The following GATAD2B variants were observed in gnomAD, a reference collection of about 807,000 sequenced individuals.
GATAD2B encodes the protein GATA zinc finger domain containing 2B.
Under a neutral mutation model 64.3 loss-of-function variants are expected in GATAD2B, and 8 were observed. The observed-to-expected ratio is 0.12, with a 90% CI of 0.07 to 0.22. The LOEUF (loss-of-function observed/expected upper bound fraction) is 0.22. Among genes scored for constraint, GATAD2B ranks in the 10% least tolerant of loss-of-function variants. GATAD2B has a pLI of 1.00. For missense variants in GATAD2B, 453 were observed against 752.0 expected, an observed-to-expected ratio of 0.60 and a Z score of 4.65; for synonymous variants, 281 against 271.3, an observed-to-expected ratio of 1.04 and a Z score of -0.35.
intron 2 of GATAD2B, among the ~76,000 whole-genome samples, chr1:153,823,932 G>A (rs200500334): frequency 6.6e-6 from 1 of 151,940 alleles, no homozygotes; most frequent in African/African-American, 2.4e-5. Flanking sequence ...GTTTCACCAT[G>A]TTGGCCAGGC....
chr1:153,852,424 G>C, intron 1 of GATAD2B: 1 of 771,538 alleles, frequency 1.3e-6, no homozygotes, highest in South Asian at 1.4e-5. Flanking sequence ...ATGTTGGACA[G>C]AAGGCCGTGG....
intron 1 of GATAD2B, among the ~76,000 whole-genome samples, chr1:153,871,160 G>A (rs1454100557): frequency 2.6e-5 from 4 of 151,936 alleles, no homozygotes; most frequent in South Asian, 2.1e-4. Flanking sequence ...TCTGCCTCCC[G>A]GGTTCAAGTG....
intron 1 of GATAD2B, among the ~76,000 whole-genome samples, chr1:153,908,776 T>G: frequency 2.0e-5 from 1 of 49,288 alleles, no homozygotes; most frequent in African/African-American, 7.3e-5. Flanking sequence ...CCTAGAAACA[T>G]ACTTGGAAAA....
chr1:153,876,261 G>A (rs1352046547), intron 1 of GATAD2B, among the ~76,000 whole-genome samples: 3,697 of 47,872 alleles, frequency 0.077, no homozygotes, highest in East Asian at 0.092. Context: ...AAAAAAAAAA[G>A]ATTTCACAGT....
In GATAD2B at chr1:153,805,407, AAGGGCTCTGTGGTTG is replaced by A. The variant is rs1674083007; in HGVS notation, c.*4755_*4769del. The A allele has an allele frequency of 6.6e-6, 1 of 152,162 alleles. No individual in the cohort carries two copies. Among genetic ancestry groups the A allele is most frequent in the East Asian group, 1.9e-4 (1 of 5,194 alleles). 9.4% of individuals were successfully genotyped at this position (152,162 alleles called of 1,614,324 possible). A position where few individuals can be genotyped will look rare whatever the true frequency, so the allele number is the denominator to read the frequency against. On this transcript the variant is annotated 3_prime_UTR_variant, in exon 11 of 11. Transcript: ENST00000368655. ...GGGCATTCAATTGTCAACCACCCTTAAGGGCTCTGTGGTTGGCTGTGAGATGGGGCTTGAGGCCTA... is the reference window on the plus strand; with the variant it reads ...GGGCATTCAATTGTCAACCACCCTTAGCTGTGAGATGGGGCTTGAGGCCTA...
Position 153,810,261 on chromosome 1 carries a change from G to A in GATAD2B, c.1698C>T (p.Pro566=). The change falls in exon 11 of 11, where the codon CCC becomes CCT. Residue 566 remains proline, a synonymous_variant. Transcript: ENST00000368655. ...ATTCACGCTGTCGGTCTGCCAAACT[G>A]GGGCCTTTGTGTCCTCCGATGCCAG... ...LNTGIGGHKG[P]SLADRQREYL... 6.2e-7 allele frequency: 1 copy of A among 1,613,156 alleles called. No homozygotes were observed. The highest frequency in any genetic ancestry group is 8.5e-7 in the Non-Finnish European group (1 of 1,179,640).
intron 1 of GATAD2B, among the ~76,000 whole-genome samples, chr1:153,879,078 T>C (rs1676928437): frequency 1.3e-5 from 2 of 152,192 alleles, no homozygotes; most frequent in Non-Finnish European, 2.9e-5. Flanking sequence ...TAGCTGGGAC[T>C]ACAGGCGCAA....
At chr1:153,837,302 G>T (rs1675300699) in intron 1 of GATAD2B, among the ~76,000 whole-genome samples, 1 of 151,266 alleles carries the variant, frequency 6.6e-6, no homozygotes. Context: ...ACTAGCCTAG[G>T]CAACAGAGTA....
chr1:153,853,328 T>C (rs1675970522), intron 1 of GATAD2B: 2 of 757,540 alleles, frequency 2.6e-6, no homozygotes, highest in South Asian at 1.5e-5. Flanking sequence ...GCTGAGGACA[T>C]GGGGTCATAT....
intron 1 of GATAD2B, among the ~76,000 whole-genome samples, chr1:153,874,572 G>A (rs1000642508): frequency 1.3e-5 from 2 of 151,594 alleles, no homozygotes; most frequent in South Asian, 2.1e-4. Flanking sequence ...TATTTTTGGG[G>A]TTTTTTTGTT....
chr1:153,892,608 G>A (rs1224374413), intron 1 of GATAD2B, among the ~76,000 whole-genome samples: 4 of 151,620 alleles, frequency 2.6e-5, no homozygotes, highest in Non-Finnish European at 4.4e-5. Flanking sequence ...GACATTCATC[G>A]CTTCTGTCCA....
chr1:153,921,577 A>ATC lies in GATAD2B; in HGVS notation c.-2+1154_-2+1155dup, dbSNP rs547914968. Among the ~76,000 whole-genome samples, 64 of 149,736 alleles carry ATC rather than the reference A, an allele frequency of 4.3e-4. No individual in the cohort carries two copies. In the East Asian group the frequency reaches 7.8e-3, roughly 18 times the overall value. On this transcript the variant is annotated intron_variant, in intron 1 of 10. Transcript: ENST00000368655. ...GCTGAAATGTATTAAGTATCCCCCC[A>ATC]TCTCTCTCTCTCTCTTACACACACA...
chr1:153,899,375 C>T (rs1396842864), intron 1 of GATAD2B, among the ~76,000 whole-genome samples: 1 of 152,102 alleles, frequency 6.6e-6, no homozygotes, highest in East Asian at 1.9e-4. Context: ...TCGAGACCAG[C>T]GTGGCCAACA....
intron 1 of GATAD2B, among the ~76,000 whole-genome samples, chr1:153,840,152 C>A (rs1162577111): frequency 6.8e-6 from 1 of 147,672 alleles, no homozygotes; most frequent in Non-Finnish European, 1.5e-5. Flanking sequence ...CCTGCCTCAG[C>A]CTCCTGAGTA....
rs574495059 is a variant in GATAD2B at position 153,853,126 on chromosome 1, T to G, written c.-1-24778A>C. The stretch of plus-strand genomic sequence containing the variant: ...ACCTGAGTTGATGGCTGATTCAGAA[T>G]AGGCAGTCTCTCCTCAATCCTGTCT... On this transcript the variant is annotated intron_variant, in intron 1 of 10. Transcript: ENST00000368655. 44 of 1,448,276 alleles carry G rather than the reference T, an allele frequency of 3.0e-5. No individual in the cohort carries two copies. The African/African-American group carries it at 5.7e-4, about 19-fold the overall frequency. 89.7% of individuals were successfully genotyped at this position (1,448,276 alleles called of 1,614,324 possible). A position where few individuals can be genotyped will look rare whatever the true frequency, so the allele number is the denominator to read the frequency against.
intron 1 of GATAD2B, among the ~76,000 whole-genome samples, chr1:153,868,906 G>C (rs1029554850): frequency 4.6e-5 from 7 of 151,824 alleles, no homozygotes; most frequent in African/African-American, 1.7e-4. Flanking sequence ...GGCTAGTTTC[G>C]TATTTTTAGT....
At chr1:153,815,287 AAAAAAC>A (rs1674434621) in intron 7 of GATAD2B, among the ~76,000 whole-genome samples, 7 of 146,258 alleles carry the variant, frequency 4.8e-5, no homozygotes, top group Non-Finnish European at 7.6e-5. Context: ...AAACAAAAAA[AAAAAAC>A]AAAAAAAAAA....
rs35175263 is a variant in GATAD2B, at chr1:153,818,314, C to CTT, written c.598-145_598-144dup. On this transcript the variant is annotated intron_variant, in intron 4 of 10. Transcript: ENST00000368655. ...ACCAGAAAAAGGGAGTCAAGGTTTT[C>CTT]TTTTTTTTTTTTTTTTTTGAGACAG... 4.6e-3 allele frequency: 1,465 copies of CTT among 319,764 alleles called. 21 individuals carry two copies. Among genetic ancestry groups the CTT allele is most frequent in the Admixed American group, 0.038 (641 of 16,930 alleles). 19.8% of individuals were successfully genotyped at this position (319,764 alleles called of 1,614,324 possible).
chr1:153,850,295 A>C (rs968294664), intron 1 of GATAD2B, among the ~76,000 whole-genome samples: 1 of 152,070 alleles, frequency 6.6e-6, no homozygotes, highest in African/African-American at 2.4e-5. Context: ...AAATAAGCCC[A>C]TACTTAATTA....
Sources: allele counts gnomAD v4.1 joint callset (sites outside exome capture counted in the v4.1 genomes callset), GRCh38; gene constraint gnomAD v4.1.1; transcripts MANE v1.5; gene names NCBI Gene and HGNC (gene_info 2026-07-23, HGNC 2026-07-21).